DCC: variants seen among roughly 807,000 people sequenced by gnomAD.
The protein encoded by DCC is DCC netrin 1 receptor.
Under a neutral mutation model 172.5 loss-of-function variants are expected in DCC, and 58 were observed. The observed-to-expected ratio is 0.34, with a 90% CI of 0.27 to 0.42. The LOEUF is 0.42. Ranked by LOEUF, DCC falls within the 10% of genes least tolerant of loss-of-function variation. The probability of loss-of-function intolerance (pLI) is 1.00; values close to 1 mark genes in which losing one functional copy is unlikely to be tolerated. For missense variants in DCC, 1,740 were observed against 1,791.0 expected (o/e 0.97, Z 0.51); for synonymous variants, 709 against 644.5 (o/e 1.10, Z -1.52).
chr18:53,456,426 A>T (rs1027381118), intron 23 of DCC, among the ~76,000 whole-genome samples: 1 of 152,226 alleles, frequency 6.6e-6, no homozygotes, highest in Non-Finnish European at 1.5e-5. Context: ...CTATTTTAGA[A>T]GCAGAAGGAT....
chr18:52,775,708 C>T (rs988014709), intron 2 of DCC, among the ~76,000 whole-genome samples: 1 of 152,214 alleles, frequency 6.6e-6, no homozygotes, highest in South Asian at 2.1e-4. Context: ...GCCATCCAGC[C>T]ACTTGTGTCT....
intron 21 of DCC, among the ~76,000 whole-genome samples, chr18:53,419,593 G>A (rs576909588): frequency 1.3e-5 from 2 of 151,788 alleles, no homozygotes; most frequent in African/African-American, 4.8e-5. Flanking sequence ...GTGCTGTTGT[G>A]GGCCTATGTA....
chr18:53,167,979 T>C (rs976199667), intron 8 of DCC, among the ~76,000 whole-genome samples: 1 of 152,126 alleles, frequency 6.6e-6, no homozygotes, highest in East Asian at 1.9e-4. Flanking sequence ...TCACTGGTCA[T>C]TGAGAAATGC....
chr18:52,374,307 T>C (rs368118933), intron 1 of DCC, among the ~76,000 whole-genome samples: 8 of 152,108 alleles, frequency 5.3e-5, no homozygotes, highest in African/African-American at 1.4e-4. Flanking sequence ...GGATATCTAT[T>C]ATTGAGACTT....
intron 12 of DCC, among the ~76,000 whole-genome samples, chr18:53,221,958 GAA>G (rs1366444994): frequency 6.6e-6 from 1 of 152,094 alleles, no homozygotes; most frequent in Non-Finnish European, 1.5e-5. Flanking sequence ...GAGGAAACCA[GAA>G]ACATAAACAT....
intron 1 of DCC, among the ~76,000 whole-genome samples, chr18:52,392,348 G>C (rs1986060676): frequency 6.6e-6 from 1 of 152,048 alleles, no homozygotes; most frequent in Non-Finnish European, 1.5e-5. Flanking sequence ...AAACAAAAAG[G>C]CAACTCAACC....
intron 1 of DCC, among the ~76,000 whole-genome samples, chr18:52,366,589 A>T (rs936797163): frequency 4.6e-5 from 7 of 151,782 alleles, no homozygotes; most frequent in African/African-American, 1.7e-4. Context: ...GAGCAGCTAG[A>T]TACAGAGTGT....
intron 1 of DCC, among the ~76,000 whole-genome samples, chr18:52,346,448 T>C (rs574977671): frequency 2.0e-5 from 3 of 152,346 alleles, no homozygotes; most frequent in East Asian, 1.9e-4. Flanking sequence ...CCAAAGTTAT[T>C]TGACAAATTT....
At chr18:52,413,616 A>G (rs1276715920) in intron 1 of DCC, among the ~76,000 whole-genome samples, 1 of 152,076 alleles carries the variant, frequency 6.6e-6, no homozygotes, top group African/African-American at 2.4e-5. Flanking sequence ...TTTATATATA[A>G]TAAACATGTT....
At chr18:52,435,321 G>T (rs1341668093) in intron 1 of DCC, among the ~76,000 whole-genome samples, 1 of 152,058 alleles carries the variant, frequency 6.6e-6, no homozygotes. Context: ...GTGCTAAATA[G>T]ATCTGTCTTC....
At chr18:53,047,278 ATATATATATAATTT>A (rs2042256833) in intron 5 of DCC, among the ~76,000 whole-genome samples, 6 of 17,972 alleles carry the variant, frequency 3.3e-4, no homozygotes, top group African/African-American at 2.5e-3. Flanking sequence ...ATATATATAT[ATATATATATAATTT>A]TATATATATA....
intron 1 of DCC, among the ~76,000 whole-genome samples, chr18:52,519,342 G>T (rs2031737597): frequency 6.6e-6 from 1 of 152,190 alleles, no homozygotes; most frequent in South Asian, 2.1e-4. Context: ...GATCTGCAGT[G>T]CAGTGGGGAC....
At chr18:52,588,878 T>C (rs1240313958) in intron 1 of DCC, among the ~76,000 whole-genome samples, 1 of 151,918 alleles carries the variant, frequency 6.6e-6, no homozygotes, top group Non-Finnish European at 1.5e-5. Context: ...TTTTTTTTTT[T>C]ACTGGTTTGA....
chr18:52,428,881 G>T (rs891320905), intron 1 of DCC, among the ~76,000 whole-genome samples: 1 of 152,058 alleles, frequency 6.6e-6, no homozygotes, highest in African/African-American at 2.4e-5. Context: ...GGCTAGTAAA[G>T]CTATTAATAT....
intron 23 of DCC, among the ~76,000 whole-genome samples, chr18:53,453,757 C>T (rs901938294): frequency 2.0e-5 from 3 of 152,124 alleles, no homozygotes; most frequent in Admixed American, 2.0e-4. Context: ...ACCCTTAATA[C>T]TTGGGTGGCA....
intron 15 of DCC, among the ~76,000 whole-genome samples, chr18:53,379,030 A>G (rs1907524033): frequency 6.6e-6 from 1 of 152,256 alleles, no homozygotes; most frequent in Non-Finnish European, 1.5e-5. Flanking sequence ...TTAAGAGACC[A>G]ATGCAATCAT....
At chr18:52,442,542 C>A (rs1988001261) in intron 1 of DCC, among the ~76,000 whole-genome samples, 2 of 152,158 alleles carry the variant, frequency 1.3e-5, no homozygotes, top group African/African-American at 4.8e-5. Context: ...CCAGGACATA[C>A]AAAATGATCA....
In DCC at chr18:52,429,570, T is replaced by C. The variant is rs1987552570; in HGVS notation, c.91+88692T>C. On this transcript the variant is annotated intron_variant, in intron 1 of 28. Transcript: ENST00000442544. ...TTTGTCATGGGCCCCTTTGATTTTATTTGTTTCTGTATCTGAAAAACAAAT... is the reference window on the plus strand; with the variant it reads ...TTTGTCATGGGCCCCTTTGATTTTACTTGTTTCTGTATCTGAAAAACAAAT... Among the ~76,000 whole-genome samples, 3 of 152,128 alleles carry C rather than the reference T, an allele frequency of 2.0e-5. No homozygotes were observed. In the South Asian group the frequency reaches 6.2e-4, roughly 31 times the overall value.
chr18:53,273,631 T>C (rs2056772948), intron 12 of DCC, among the ~76,000 whole-genome samples: 1 of 152,188 alleles, frequency 6.6e-6, no homozygotes, highest in Admixed American at 6.6e-5. Context: ...TGAGTTTGTG[T>C]TATTACAATG....
Sources: gnomAD v4.1 joint callset for allele counts (sites outside exome capture counted in the v4.1 genomes callset) on GRCh38, gnomAD v4.1.1 for gene constraint, MANE v1.5 for transcripts, NCBI Gene and HGNC (gene_info 2026-07-23, HGNC 2026-07-21) for gene names.